The following UCHL5 variants were observed in gnomAD, a reference collection of about 807,000 sequenced individuals.
UCHL5 encodes ubiquitin carboxyl-terminal hydrolase isozyme L5.
UCHL5 carries 34 observed loss-of-function variants against 53.8 expected under a neutral mutation model. That is an observed-to-expected ratio of 0.63 (90% CI 0.48 to 0.84). The LOEUF is 0.84. UCHL5 is among the 40% of genes least tolerant of loss of function. The pLI is 0.00. For missense variants in UCHL5, 290 were observed against 385.6 expected (o/e 0.75, Z 2.08); for synonymous variants, 111 against 126.3 (o/e 0.88, Z 0.81).
intron 9 of UCHL5, among the ~76,000 whole-genome samples, chr1:193,022,511 A>T (rs1289947655): frequency 6.6e-6 from 1 of 151,998 alleles, no homozygotes; most frequent in Admixed American, 6.6e-5. Flanking sequence ...AACACAAAAA[A>T]TTAGCCTAGC....
intron 1 of UCHL5, among the ~76,000 whole-genome samples, chr1:193,054,183 T>A (rs892009696): frequency 6.6e-6 from 1 of 152,234 alleles, no homozygotes; most frequent in South Asian, 2.1e-4. Flanking sequence ...ATTATACCGA[T>A]GGGTCTAGGG....
rs936416321 is a variant in UCHL5, at chr1:193,015,335, T to C, written c.*1016A>G. ...ATTCTTGATAAAGAAAAAAGTAGGT[T>C]ACTTCCTTTAAAAAAGAAAGCTTTA... On this transcript the variant is annotated 3_prime_UTR_variant, in exon 11 of 11. Transcript: ENST00000367454. The C allele has an allele frequency of 2.0e-5, 3 of 152,066 alleles. No homozygotes were observed. The highest frequency in any genetic ancestry group is 7.2e-5 in the African/African-American group (3 of 41,458). The allele number at this position is 152,066 out of a possible 1,614,324, so 9.4% of individuals were successfully genotyped here.
At chr1:193,023,069 C>T (rs1657747948) in intron 8 of UCHL5, 33 bp from the exon 9 acceptor site, 1 of 1,414,292 alleles carries the variant, frequency 7.1e-7, no homozygotes, top group African/African-American at 1.4e-5. Context: ...ATAGCACACC[C>T]TAATAATTGA....
Position 193,029,624 on chromosome 1 carries a change from C to T in UCHL5, c.280G>A (p.Val94Met), listed in dbSNP as rs749668609. ...INNACATQAI[V>M]SVLLNCTHQD... is the part of the protein sequence containing the mutation. ...TGGGTACAGTTCAGTAACACACTCA[C>T]TATGGCTTGAGTAGCACAAGCATTA... The change falls in exon 4 of 11, where the codon GTG (valine) becomes ATG (methionine). Residue 94 changes from valine (V) to methionine (M), a missense_variant. Transcript: ENST00000367454. 1 of 1,612,322 alleles carries T rather than the reference C, an allele frequency of 6.2e-7. No individual in the cohort carries two copies. Among genetic ancestry groups the T allele is most frequent in the South Asian group, 1.1e-5 (1 of 90,856 alleles).
chr1:193,044,364 T>G (rs1288734102), intron 3 of UCHL5, among the ~76,000 whole-genome samples: 1 of 152,184 alleles, frequency 6.6e-6, no homozygotes, highest in Non-Finnish European at 1.5e-5. Context: ...CCAGTACCAC[T>G]GCAGCATGAT....
At chr1:193,018,884 T>C (rs1655840848) in intron 10 of UCHL5, 2 of 1,444,040 alleles carry the variant, frequency 1.4e-6, no homozygotes, top group Non-Finnish European at 1.9e-6. Context: ...CTATAGGTAA[T>C]TTTTCTTAGA....
intron 3 of UCHL5, among the ~76,000 whole-genome samples, chr1:193,035,478 A>C (rs766742112): frequency 2.6e-5 from 4 of 152,072 alleles, no homozygotes; most frequent in Non-Finnish European, 5.9e-5. Flanking sequence ...AACACCATCC[A>C]AGAATACTCT....
chr1:193,028,770 G>A (rs1450451769), intron 6 of UCHL5, among the ~76,000 whole-genome samples: 1 of 152,044 alleles, frequency 6.6e-6, no homozygotes, highest in Non-Finnish European at 1.5e-5. Context: ...ATATTTTCTT[G>A]ATTGCAAAAC....
intron 1 of UCHL5, among the ~76,000 whole-genome samples, chr1:193,057,594 T>A (rs1671041725): frequency 6.6e-6 from 1 of 152,214 alleles, no homozygotes; most frequent in African/African-American, 2.4e-5. Context: ...TAATGTCATT[T>A]CAGCATTAAA....
intron 3 of UCHL5, among the ~76,000 whole-genome samples, chr1:193,047,637 T>G (rs1667769200): frequency 6.6e-6 from 1 of 152,212 alleles, no homozygotes; most frequent in Non-Finnish European, 1.5e-5. Context: ...TAAGCAAGTT[T>G]TTGGGTCTCA....
chr1:193,020,811 C>T (rs1264816543), intron 10 of UCHL5, among the ~76,000 whole-genome samples: 2 of 151,778 alleles, frequency 1.3e-5, no homozygotes, highest in Non-Finnish European at 2.9e-5. Flanking sequence ...TAAAAATCTA[C>T]TTTTGCTTAA....
At chr1:193,050,749 GAAAAAGA>G (rs1460558288) in intron 2 of UCHL5, among the ~76,000 whole-genome samples, 3 of 131,846 alleles carry the variant, frequency 2.3e-5, no homozygotes, top group Non-Finnish European at 1.7e-5. Flanking sequence ...GTTTCAAAAA[GAAAAAGA>G]AAAAAAAAAA....
intron 9 of UCHL5, 64 bp downstream of exon 9, chr1:193,022,862 C>A: frequency 1.7e-6 from 2 of 1,152,200 alleles, no homozygotes; most frequent in Non-Finnish European, 2.6e-6. Context: ...ATTCAATGTA[C>A]CTTCATCTTG....
chr1:193,029,581 C>T lies in UCHL5; in HGVS notation c.323G>A (p.Gly108Asp). 6.2e-7 allele frequency: 1 copy of T among 1,613,526 alleles called. No individual in the cohort carries two copies. Among genetic ancestry groups the T allele is most frequent in the Non-Finnish European group, 8.5e-7 (1 of 1,179,724 alleles). Residue 108 changes from glycine (G) to aspartate (D), a missense_variant, in exon 4 of 11, where the codon GGC (glycine) becomes GAC (aspartate). Coordinates refer to ENST00000367454, the MANE Select transcript of UCHL5 (RefSeq NM_001199261.3). ...TTCTTTAAACTCTGATAATGTCTCG[C>T]CTAAATGGACATCCTGGTGGGTACA... is the stretch of plus-strand genomic sequence containing the variant. ...LNCTHQDVHL[G>D]ETLSEFKEFS...
At chr1:193,049,701 A>G in intron 3 of UCHL5, 45 bp downstream of exon 3, 1 of 1,481,178 alleles carries the variant, frequency 6.8e-7, no homozygotes, top group East Asian at 2.3e-5. Flanking sequence ...CTTGTTTATA[A>G]AAAGGGTTGC....
intron 3 of UCHL5, among the ~76,000 whole-genome samples, chr1:193,046,845 A>G (rs1347441774): frequency 6.6e-6 from 1 of 151,532 alleles, no homozygotes; most frequent in Non-Finnish European, 1.5e-5. Flanking sequence ...AAGTAAAAAA[A>G]AACAAAATAT....
intron 3 of UCHL5, among the ~76,000 whole-genome samples, chr1:193,047,096 A>G (rs888579994): frequency 6.6e-6 from 1 of 152,164 alleles, no homozygotes; most frequent in Non-Finnish European, 1.5e-5. Context: ...ATTAAATAAT[A>G]TACCCAAATT....
chr1:193,033,293 C>A (rs1662152486), intron 3 of UCHL5, among the ~76,000 whole-genome samples: 1 of 152,020 alleles, frequency 6.6e-6, no homozygotes, highest in Admixed American at 6.6e-5. Context: ...AACCAAACAC[C>A]ACATGTTCTC....
chr1:193,042,599 C>A (rs1408927569), intron 3 of UCHL5, among the ~76,000 whole-genome samples: 1 of 152,134 alleles, frequency 6.6e-6, no homozygotes, highest in Non-Finnish European at 1.5e-5. Context: ...GTCTTTACTT[C>A]CAGTTTTTTG....
Sources: allele counts gnomAD v4.1 joint callset (sites outside exome capture counted in the v4.1 genomes callset), GRCh38; gene constraint gnomAD v4.1.1; transcripts MANE v1.5; gene names NCBI Gene and HGNC (gene_info 2026-07-23, HGNC 2026-07-21).